DDX31: variants seen among roughly 807,000 people sequenced by gnomAD.
DDX31 encodes the protein DEAD-box helicase 31.
DDX31 carries 70 observed loss-of-function variants against 91.3 expected under a neutral mutation model. That is an observed-to-expected ratio of 0.77 (90% CI 0.63 to 0.94). The LOEUF is 0.94. Ranked by LOEUF, DDX31 falls within the 40% of genes least tolerant of loss-of-function variation. The pLI is 0.00. For synonymous variants in DDX31, 362 were observed against 350.6 expected, an observed-to-expected ratio of 1.03 and a Z score of -0.36; for missense variants, 902 against 925.0, an observed-to-expected ratio of 0.98 and a Z score of 0.32.
intron 16 of DDX31, among the ~76,000 whole-genome samples, chr9:132,629,246 TAAAG>T (rs1832582301): frequency 6.6e-6 from 1 of 152,224 alleles, no homozygotes; most frequent in South Asian, 2.1e-4. Flanking sequence ...TGTGTTAAGA[TAAAG>T]AACACACTGA....
chr9:132,662,548 A>G lies in DDX31; in HGVS notation c.223T>C (p.Ser75Pro), dbSNP rs1029539487. ...GTGCTAACCGAATGCTTCTTTGGAG[A>G]AAACATTTTTTGTGCGTTCCCCTTA... Reference protein sequence around the residue: ...TFKGNAQKMFSPKKHSVSTSD... With the variant: ...TFKGNAQKMFPPKKHSVSTSD... The change falls in exon 2 of 20, where the codon TCT becomes CCT. Residue 75 changes from serine (S) to proline (P), a missense_variant. Ser to Pro is a moderately conservative substitution (Grantham distance 74). Coordinates refer to ENST00000372159, the MANE Select transcript of DDX31 (RefSeq NM_022779.9). 9 of 1,614,204 alleles carry G rather than the reference A, an allele frequency of 5.6e-6. No individual in the cohort carries two copies. Among genetic ancestry groups the G allele is most frequent in the Non-Finnish European group, 7.6e-6 (9 of 1,180,048 alleles).
chr9:132,632,222 CGTATATGCCCAGTACGTGT>C, intron 14 of DDX31, 131 bp from the exon 15 acceptor site: 1 of 336,840 alleles, frequency 3.0e-6, no homozygotes, highest in Non-Finnish European at 5.7e-6. Flanking sequence ...CGGGCATACA[CGTATATGCCCAGTACGTGT>C]ACACACACAC....
At chr9:132,602,222 G>C (rs1018197719) in intron 19 of DDX31, among the ~76,000 whole-genome samples, 2 of 152,262 alleles carry the variant, frequency 1.3e-5, no homozygotes, top group Admixed American at 1.3e-4. Context: ...CCTGGGGGCT[G>C]CAAGGCACTG....
chr9:132,603,526 C>T (rs995010733), intron 19 of DDX31, among the ~76,000 whole-genome samples: 1 of 152,148 alleles, frequency 6.6e-6, no homozygotes, highest in African/African-American at 2.4e-5. Context: ...AACTATCCTG[C>T]GTGCAGAAGG....
chr9:132,615,278 T>C (rs1000103493), intron 18 of DDX31, among the ~76,000 whole-genome samples: 1 of 152,188 alleles, frequency 6.6e-6, no homozygotes, highest in Non-Finnish European at 1.5e-5. Flanking sequence ...TTATGATGAC[T>C]TGTAAGATGA....
chr9:132,612,277 A>G, intron 18 of DDX31, 22 bp from the exon 19 acceptor site: 1 of 1,613,922 alleles, frequency 6.2e-7, no homozygotes, highest in South Asian at 1.1e-5. Context: ...GAGAGCGGGG[A>G]GGGAAGCTGT....
At chr9:132,630,626 G>A (rs1042055329) in intron 15 of DDX31, among the ~76,000 whole-genome samples, 2 of 152,214 alleles carry the variant, frequency 1.3e-5, no homozygotes, top group Non-Finnish European at 2.9e-5. Flanking sequence ...CCAAGTTTCC[G>A]ATAAACGAGA....
At chr9:132,633,835 G>A (rs1478553679) in intron 14 of DDX31, among the ~76,000 whole-genome samples, 1 of 152,110 alleles carries the variant, frequency 6.6e-6, no homozygotes, top group East Asian at 1.9e-4. Flanking sequence ...AGGAAACACA[G>A]AGTATCACTT....
chr9:132,653,900 T>C (rs570935087), intron 6 of DDX31, among the ~76,000 whole-genome samples: 87 of 131,696 alleles, frequency 6.6e-4, no homozygotes, highest in African/African-American at 2.4e-3. Context: ...GTTAAAATAA[T>C]TTAAAGCTAC....
chr9:132,665,073 G>A (rs756916059), intron 1 of DDX31, among the ~76,000 whole-genome samples: 1 of 152,156 alleles, frequency 6.6e-6, no homozygotes, highest in East Asian at 1.9e-4. Context: ...AGCATAGCAC[G>A]GAACTCGTTG....
intron 19 of DDX31, among the ~76,000 whole-genome samples, chr9:132,599,529 A>G (rs563886197): frequency 1.6e-4 from 24 of 152,262 alleles, no homozygotes; most frequent in Non-Finnish European, 3.2e-4. Flanking sequence ...CTGTAGTTTT[A>G]CAATGAGCAT....
intron 4 of DDX31, among the ~76,000 whole-genome samples, chr9:132,660,524 C>A (rs1834869757): frequency 6.6e-6 from 1 of 152,106 alleles, no homozygotes; most frequent in Admixed American, 6.5e-5. Flanking sequence ...GCTGTCCATT[C>A]TCCAGGAAAA....
chr9:132,618,431 G>C lies in DDX31; in HGVS notation c.1724C>G (p.Ala575Gly). 6.2e-7 allele frequency: 1 copy of C among 1,610,656 alleles called. No homozygotes were observed. The change falls in exon 18 of 20, where the codon GCT (alanine) becomes GGT (glycine). Residue 575 changes from alanine to glycine, a missense_variant. Coordinates refer to ENST00000372159, the MANE Select transcript of DDX31 (RefSeq NM_022779.9). ...CTCTCGGATTTCCTGGGGGCCAACA[G>C]CATGGGATTTCTGAGAGGGCGACGG... ...GKRWGAQKSH[A>G]VGPQEIRERA...
rs764157578 is a variant in DDX31, at chr9:132,645,935, CGCATGGAGGCAGATG to C, written c.1325_1339del (p.Pro442_Met446del). 1 of 1,613,632 alleles carries C rather than the reference CGCATGGAGGCAGATG, an allele frequency of 6.2e-7. No homozygotes were observed. Among genetic ancestry groups the C allele is most frequent in the Non-Finnish European group, 8.5e-7 (1 of 1,179,780 alleles). On this transcript the variant is annotated inframe_deletion, in exon 13 of 20. Transcript: ENST00000372159. The stretch of plus-strand genomic sequence containing the variant: ...GCCATGCAGCCGTAGGAATTTTAAT[CGCATGGAGGCAGATG>C]GCAACTGCCCTGATGCCGGCGCCCC...
intron 14 of DDX31, among the ~76,000 whole-genome samples, chr9:132,640,372 T>A (rs745914603): frequency 6.6e-6 from 1 of 152,016 alleles, no homozygotes; most frequent in Non-Finnish European, 1.5e-5. Context: ...ATTCCAGGAC[T>A]GAAAGAGGGG....
rs1188933458 is a variant in DDX31, at chr9:132,595,772, C to A, written c.1995-660G>T. Among the ~76,000 whole-genome samples, 6 of 152,196 alleles carry A rather than the reference C, an allele frequency of 3.9e-5. 1 individual carries two copies. Among genetic ancestry groups the A allele is most frequent in the Admixed American group, 2.0e-4 (3 of 15,278 alleles). On this transcript the variant is annotated intron_variant, in intron 19 of 19. Coordinates refer to ENST00000372159, the MANE Select transcript of DDX31 (RefSeq NM_022779.9). The surrounding 1 kb of genome is among the most constrained non-coding windows in gnomAD (Gnocchi z 4.6). ...AGCAGCTTTCTGCAGCCCACACAAA[C>A]CCGGGTGTTAGAGGGAGGTCTCTCC... is the stretch of plus-strand genomic sequence containing the variant.
chr9:132,632,249 C>CGT (rs1291892451), intron 14 of DDX31, among the ~76,000 whole-genome samples, 158 bp from the exon 15 acceptor site: 4 of 93,752 alleles, frequency 4.3e-5, no homozygotes, highest in African/African-American at 3.6e-4. Context: ...TGTACACACA[C>CGT]ACACACACAC....
chr9:132,668,034 C>G (rs745950159), intron 1 of DDX31, among the ~76,000 whole-genome samples: 2 of 152,152 alleles, frequency 1.3e-5, no homozygotes, highest in Non-Finnish European at 2.9e-5. Flanking sequence ...AGGGCAGCAT[C>G]CGAATCCCAA....
In DDX31 at chr9:132,595,268, G is replaced by A. The variant is rs957108993; in HGVS notation, c.1995-156C>T. On this transcript the variant is annotated intron_variant, in intron 19 of 19. Transcript: ENST00000372159. The surrounding 1 kb of genome is among the most constrained non-coding windows in gnomAD (Gnocchi z 4.6). ...TTCAATAGTACTTGTTTTGATATTC[G>A]ATGCACCAGAAGATTAGATACGGCG... is the stretch of plus-strand genomic sequence containing the variant. 6.6e-6 allele frequency among the ~76,000 whole-genome samples: 1 copy of A among 152,138 alleles called. No homozygotes were observed. Among genetic ancestry groups the A allele is most frequent in the Non-Finnish European group, 1.5e-5 (1 of 68,038 alleles).
Sources: allele counts gnomAD v4.1 joint callset (sites outside exome capture counted in the v4.1 genomes callset), GRCh38; gene constraint gnomAD v4.1.1; non-coding constraint Gnocchi (gnomAD v3.1); transcripts MANE v1.5; gene names NCBI Gene and HGNC (gene_info 2026-07-23, HGNC 2026-07-21).